VWF: variants seen among roughly 807,000 people sequenced by gnomAD.
VWF encodes the protein Factor VIII related antigen.
VWF carries 176 observed loss-of-function variants against 308.6 expected under a neutral mutation model. The ratio of observed to expected loss-of-function variants is 0.57; its 90% CI spans 0.50 to 0.65. The LOEUF is 0.65. VWF is among the 30% of genes least tolerant of loss of function. The probability of loss-of-function intolerance (pLI) is 0.00; values close to 1 mark genes in which losing one functional copy is unlikely to be tolerated. For missense variants in VWF, 3,146 were observed against 3,648.2 expected (o/e 0.86, Z 3.55); for synonymous variants, 1,385 against 1,443.4 (o/e 0.96, Z 0.92).
chr12:6,039,814 G>A (rs141629113), intron 18 of VWF, among the ~76,000 whole-genome samples: 1 of 152,174 alleles, frequency 6.6e-6, no homozygotes, highest in Non-Finnish European at 1.5e-5. Flanking sequence ...TCTTCACATG[G>A]GGCCAGTGAG....
At position 6,052,683 on chromosome 12, in the gene VWF, G is replaced by T. The variant is rs1193519908; in HGVS notation, c.2046C>A (p.Ala682=). Residue 682 remains alanine, a synonymous_variant, in exon 16 of 52, where the codon GCC becomes GCA. Coordinates refer to ENST00000261405, the MANE Select transcript of VWF (RefSeq NM_000552.5). ...GGGGGCAGAAGCAGCCCTCCAGGCA[G>T]GCCTCATTGCATTCCTCATCCGGGT... ...LSYPDEECNE[A]CLEGCFCPPG... 6.2e-7 allele frequency: 1 copy of T among 1,614,232 alleles called. No homozygotes were observed. Among genetic ancestry groups the T allele is most frequent in the East Asian group, 2.2e-5 (1 of 44,876 alleles).
intron 5 of VWF, among the ~76,000 whole-genome samples, chr12:6,103,369 TGTGTGTGTGTATACAC>T (rs1166885814): frequency 3.1e-5 from 4 of 127,848 alleles, no homozygotes; most frequent in Admixed American, 1.6e-4. Context: ...CATATATATG[TGTGTGTGTGTATACAC>T]GTGTGTGTAT....
At chr12:6,021,638 A>G (rs1186655463) in intron 27 of VWF, 16 of 444,890 alleles carry the variant, frequency 3.6e-5, no homozygotes, top group South Asian at 3.2e-4. Flanking sequence ...GGACTTAAAA[A>G]CCTATTAAGA....
chr12:6,027,145 C>T (rs1016288914), intron 22 of VWF, among the ~76,000 whole-genome samples: 2 of 152,198 alleles, frequency 1.3e-5, no homozygotes, highest in African/African-American at 4.8e-5. Context: ...TTCCCATGGC[C>T]TAGTAGCCCC....
chr12:6,000,081 A>G (rs1015427581), intron 34 of VWF, among the ~76,000 whole-genome samples: 1 of 152,176 alleles, frequency 6.6e-6, no homozygotes, highest in African/African-American at 2.4e-5. Flanking sequence ...AGAGAAAACA[A>G]AACAATGGAA....
intron 3 of VWF, among the ~76,000 whole-genome samples, chr12:6,115,818 A>G (rs560934799): frequency 6.6e-6 from 1 of 152,232 alleles, no homozygotes; most frequent in Non-Finnish European, 1.5e-5. Flanking sequence ...AGTTGTGACA[A>G]CCCAAAATGT....
chr12:5,949,732 G>A (rs1256494040), intron 51 of VWF, 54 bp downstream of exon 51: 17 of 1,556,350 alleles, frequency 1.1e-5, no homozygotes, highest in African/African-American at 8.1e-5. Flanking sequence ...ATAGGTATCC[G>A]AACACGGAGG....
chr12:6,032,610 C>T (rs1278056769), intron 20 of VWF, among the ~76,000 whole-genome samples: 4 of 151,492 alleles, frequency 2.6e-5, no homozygotes, highest in African/African-American at 9.7e-5. Context: ...TGCACTCCAG[C>T]CTGGGTGACA....
chr12:5,994,492 G>C lies in VWF; in HGVS notation c.6179C>G (p.Thr2060Arg), dbSNP rs969961495. 8.7e-6 allele frequency: 14 copies of C among 1,614,170 alleles called. No individual in the cohort carries two copies. The highest frequency in any genetic ancestry group is 1.2e-5 in the Non-Finnish European group (14 of 1,179,998). The change falls in exon 36 of 52, where the codon ACA (threonine) becomes AGA (arginine). Residue 2060 changes from threonine (T) to arginine (R), a missense_variant. Transcript: ENST00000261405. ...GAACTCATTGTTTTGTGGAGTGAAT[G>C]TGAAGATGTGACCAAGGTGATTGAA... ...VRFNHLGHIF[T>R]FTPQNNEFQL...
intron 20 of VWF, 44 bp downstream of exon 20, chr12:6,034,644 C>A: frequency 6.2e-7 from 1 of 1,613,186 alleles, no homozygotes; most frequent in Non-Finnish European, 8.5e-7. Flanking sequence ...TCCCACCCCT[C>A]CTAGAAAGAA....
At chr12:5,993,146 G>C (rs990770134) in intron 37 of VWF, among the ~76,000 whole-genome samples, 5 of 152,076 alleles carry the variant, frequency 3.3e-5, no homozygotes, top group Non-Finnish European at 7.4e-5. Context: ...GCTCTAACAG[G>C]CATGTACATA....
rs561063693 is a variant in VWF, at chr12:6,036,425, C to T, written c.2509G>A (p.Ala837Thr). The T allele has an allele frequency of 6.2e-7, 1 of 1,614,224 alleles. No individual in the cohort carries two copies. Among genetic ancestry groups the T allele is most frequent in the African/African-American group, 1.3e-5 (1 of 75,052 alleles). The change falls in exon 19 of 52, where the codon GCC becomes ACC. Residue 837 changes from alanine (A) to threonine (T), a missense_variant. Physicochemically the swap from Ala to Thr is moderately conservative, Grantham distance 58. This residue lies in a region of VWF where 1,304 missense variants were observed against 1,353.0 expected (regional missense o/e 0.96). Transcript: ENST00000261405. Reference sequence around the variant, plus strand: ...CCAATCTTCACTGTTTCTCCAGGGGCATACTCCTTGCCCTGATGGAAGCAG... The same window carrying T: ...CCAATCTTCACTGTTTCTCCAGGGGTATACTCCTTGCCCTGATGGAAGCAG... The part of the protein sequence containing the change: ...CPCFHQGKEY[A>T]PGETVKIGCN...
Position 5,986,544 on chromosome 12 carries a change from C to T in VWF, c.6799-879G>A, listed in dbSNP as rs549285933. 2.6e-5 allele frequency among the ~76,000 whole-genome samples: 4 copies of T among 152,342 alleles called. No individual in the cohort carries two copies. In the South Asian group the frequency reaches 6.2e-4, roughly 24 times the overall value. Reference sequence around the variant, plus strand: ...CAGGTCAAGAAGGTCTTACTTATTACTTCCACAGTCAGCAATCAGTCAGCT... The same window carrying T: ...CAGGTCAAGAAGGTCTTACTTATTATTTCCACAGTCAGCAATCAGTCAGCT... On this transcript the variant is annotated intron_variant, in intron 38 of 51. Coordinates refer to ENST00000261405, the MANE Select transcript of VWF (RefSeq NM_000552.5).
At chr12:5,972,512 G>C (rs142138058) in intron 43 of VWF, among the ~76,000 whole-genome samples, 2 of 152,192 alleles carry the variant, frequency 1.3e-5, no homozygotes, top group East Asian at 3.9e-4. Context: ...AACCACAGCT[G>C]TTCAGGACGG....
intron 47 of VWF, among the ~76,000 whole-genome samples, chr12:5,965,216 G>A (rs921810161): frequency 6.6e-6 from 1 of 152,178 alleles, no homozygotes; most frequent in Non-Finnish European, 1.5e-5. Flanking sequence ...CAGCCCCAGA[G>A]TTCACTTGTT....
At chr12:6,114,957 G>A (rs1945346975) in intron 3 of VWF, among the ~76,000 whole-genome samples, 1 of 152,250 alleles carries the variant, frequency 6.6e-6, no homozygotes, top group Non-Finnish European at 1.5e-5. Flanking sequence ...ATGGCAAGGA[G>A]AATTCCTGGC....
rs761469036 is a variant in VWF, at chr12:6,064,419, C to T, written c.1294-35G>A. On this transcript the variant is annotated intron_variant, in intron 11 of 51. Coordinates refer to ENST00000261405, the MANE Select transcript of VWF (RefSeq NM_000552.5). ...GGGAACACAGGGTGACTTTGCTGCACCCCCTGCCTATCCAGCTCCCCAGCC... is the reference window on the plus strand; with the variant it reads ...GGGAACACAGGGTGACTTTGCTGCATCCCCTGCCTATCCAGCTCCCCAGCC... The T allele has an allele frequency of 3.2e-5, 52 of 1,612,568 alleles. No individual in the cohort carries two copies. The Admixed American group carries it at 5.5e-4, about 17-fold the overall frequency.
intron 12 of VWF, 44 bp downstream of exon 12, chr12:6,064,202 G>A: frequency 6.2e-7 from 1 of 1,613,872 alleles, no homozygotes; most frequent in Non-Finnish European, 8.5e-7. Context: ...GCTAAGGGAT[G>A]GGCTGTGCCA....
chr12:5,983,406 G>A, intron 40 of VWF, 152 bp from the exon 41 acceptor site: 1 of 552,348 alleles, frequency 1.8e-6, no homozygotes, highest in Non-Finnish European at 3.3e-6. Context: ...GGTTAGGATA[G>A]ATAGATAGAT....
Sources: allele counts gnomAD v4.1 joint callset (sites outside exome capture counted in the v4.1 genomes callset), GRCh38; gene constraint gnomAD v4.1.1; regional missense constraint gnomAD v4.1.1; transcripts MANE v1.5; gene names NCBI Gene and HGNC (gene_info 2026-07-23, HGNC 2026-07-21).